The following SATL1 variants were observed in gnomAD, a reference collection of about 807,000 sequenced individuals.
The protein encoded by SATL1 is spermidine/spermine N(1)-acetyltransferase-like protein 1.
In SATL1, 47 loss-of-function variants were observed where a neutral mutation model predicts 51.8. The observed-to-expected ratio is 0.91, with a 90% CI of 0.72 to 1.16. SATL1 has a LOEUF of 1.16. Among genes scored for constraint, SATL1 ranks in the 50% most tolerant of loss-of-function variants. The pLI is 0.00. For synonymous variants in SATL1, 176 were observed against 182.4 expected (o/e 0.97, Z 0.28); for missense variants, 520 against 526.4 (o/e 0.99, Z 0.12).
Position 85,143,746 on chromosome X carries a change from C to T in SATL1, c.-312-34466G>A, listed in dbSNP as rs557244832. 6.3e-5 allele frequency among the ~76,000 whole-genome samples: 7 copies of T among 110,907 alleles called. 1 individual carries two copies. The East Asian group carries it at 1.7e-3, about 27-fold the overall frequency. ...TAAAGATAACATGTTTGTCTCTGATCTCTGAGATAAATATGAAAAATTCTA... is the reference window on the plus strand; with the variant it reads ...TAAAGATAACATGTTTGTCTCTGATTTCTGAGATAAATATGAAAAATTCTA... On this transcript the variant is annotated intron_variant, in intron 2 of 7. Transcript: ENST00000644105.
At chrX:85,229,001 G>A (rs1349245209) in intron 1 of SATL1, among the ~76,000 whole-genome samples, 1 of 111,590 alleles carries the variant, frequency 9.0e-6, no homozygotes, top group Non-Finnish European at 1.9e-5. Flanking sequence ...ATTTCAGATG[G>A]CAGCAACTCC....
At chrX:85,194,787 A>T (rs764416814) in intron 2 of SATL1, among the ~76,000 whole-genome samples, 14 of 103,838 alleles carry the variant, frequency 1.3e-4, no homozygotes, top group Non-Finnish European at 2.7e-4. Context: ...AAAACCAAGC[A>T]CTTCATATTC....
chrX:85,130,078 G>A (rs187133157), intron 2 of SATL1, among the ~76,000 whole-genome samples: 1 of 111,892 alleles, frequency 8.9e-6, no homozygotes, highest in Non-Finnish European at 1.9e-5. Flanking sequence ...TCACATCGAT[G>A]TTCATCAGGG....
At chrX:85,184,820 T>C (rs763027773) in intron 2 of SATL1, among the ~76,000 whole-genome samples, 1 of 112,233 alleles carries the variant, frequency 8.9e-6, no homozygotes, top group African/African-American at 3.2e-5. Flanking sequence ...TTCCCATAAT[T>C]GGTCACTGGT....
At chrX:85,150,078 AAAG>A (rs1241585166) in intron 2 of SATL1, among the ~76,000 whole-genome samples, 1 of 111,699 alleles carries the variant, frequency 9.0e-6, no homozygotes, top group Non-Finnish European at 1.9e-5. Flanking sequence ...CAAGACTAAT[AAAG>A]AAGAAAAGAG....
intron 2 of SATL1, among the ~76,000 whole-genome samples, chrX:85,164,693 T>A (rs1467897367): frequency 9.1e-6 from 1 of 109,548 alleles, no homozygotes; most frequent in Non-Finnish European, 1.9e-5. Flanking sequence ...TGACTTTAGC[T>A]AACCTAATGA....
chrX:85,107,165 T>C (rs1277721572), intron 3 of SATL1, among the ~76,000 whole-genome samples, 163 bp downstream of exon 3: 1 of 111,933 alleles, frequency 8.9e-6, no homozygotes, highest in Non-Finnish European at 1.9e-5. Context: ...TGTTATAATC[T>C]TGATTTTAGA....
At chrX:85,131,792 G>A (rs1043508848) in intron 2 of SATL1, among the ~76,000 whole-genome samples, 1 of 111,700 alleles carries the variant, frequency 9.0e-6, no homozygotes, top group Non-Finnish European at 1.9e-5. Flanking sequence ...GGTACCAGTT[G>A]TTCCTTTCCA....
intron 2 of SATL1, among the ~76,000 whole-genome samples, chrX:85,175,112 C>G (rs1051234875): frequency 2.7e-5 from 3 of 111,035 alleles, no homozygotes; most frequent in Non-Finnish European, 5.7e-5. Context: ...TGGTTCAGAC[C>G]AGTGCATCAG....
chrX:85,094,271 C>A, intron 5 of SATL1, 42 bp from the exon 6 acceptor site: 1 of 756,983 alleles, frequency 1.3e-6, no homozygotes. Flanking sequence ...TTGGTTGAAT[C>A]TTAGCCAGTT....
intron 2 of SATL1, among the ~76,000 whole-genome samples, chrX:85,134,794 T>C (rs1345353539): frequency 9.0e-6 from 1 of 111,442 alleles, no homozygotes; most frequent in Non-Finnish European, 1.9e-5. Flanking sequence ...TTTTCAATGC[T>C]TAGAGTATGA....
At chrX:85,146,846 T>A (rs768371293) in intron 2 of SATL1, among the ~76,000 whole-genome samples, 1 of 112,699 alleles carries the variant, frequency 8.9e-6, no homozygotes, top group East Asian at 2.8e-4. Context: ...GCAACCAAGA[T>A]GGCCGAATAG....
At chrX:85,135,610 C>A (rs949892347) in intron 2 of SATL1, among the ~76,000 whole-genome samples, 1 of 107,304 alleles carries the variant, frequency 9.3e-6, no homozygotes, top group African/African-American at 3.5e-5. Flanking sequence ...CTCACTCTGT[C>A]ACCCAGGCTG....
chrX:85,130,935 G>T (rs948769437), intron 2 of SATL1, among the ~76,000 whole-genome samples: 2 of 111,939 alleles, frequency 1.8e-5, no homozygotes, highest in African/African-American at 6.5e-5. Context: ...AGGTTGTTCA[G>T]TTTCCATGTA....
At chrX:85,133,581 G>C (rs889347685) in intron 2 of SATL1, among the ~76,000 whole-genome samples, 1 of 112,301 alleles carries the variant, frequency 8.9e-6, no homozygotes, top group African/African-American at 3.2e-5. Flanking sequence ...CTAGGAAAGG[G>C]AAATCCCCTG....
rs760925262 is a variant in SATL1 at position 85,195,038 on chromosome X, A to G, written c.-313+29167T>C. ...AAAGTGTATATATATATATATATACATAAAAAGACAACAGTTTTGACCCTG... is the reference window on the plus strand; with the variant it reads ...AAAGTGTATATATATATATATATACGTAAAAAGACAACAGTTTTGACCCTG... On this transcript the variant is annotated intron_variant, in intron 2 of 7. Transcript: ENST00000644105. 1.4e-4 allele frequency among the ~76,000 whole-genome samples: 16 copies of G among 110,549 alleles called. No homozygotes were observed. The East Asian group carries it at 3.7e-3, about 26-fold the overall frequency.
At chrX:85,095,811 GC>G (rs1372865710) in intron 4 of SATL1, among the ~76,000 whole-genome samples, 20 of 77,551 alleles carry the variant, frequency 2.6e-4, no homozygotes, top group African/African-American at 1.0e-3. Flanking sequence ...GGGCGACAGA[GC>G]GAGACTCCGT....
At chrX:85,149,817 A>G (rs1289066937) in intron 2 of SATL1, among the ~76,000 whole-genome samples, 6 of 111,255 alleles carry the variant, frequency 5.4e-5, no homozygotes, top group Non-Finnish European at 9.5e-5. Flanking sequence ...TCAAAGCAGT[A>G]TGTAGAGGGA....
intron 2 of SATL1, among the ~76,000 whole-genome samples, chrX:85,121,302 GTATATA>G (rs1008573108): frequency 6.8e-5 from 7 of 103,320 alleles, no homozygotes; most frequent in African/African-American, 2.4e-4. Flanking sequence ...AGAATAATAT[GTATATA>G]TAAATATATG....
Sources: allele counts gnomAD v4.1 joint callset (sites outside exome capture counted in the v4.1 genomes callset), GRCh38; gene constraint gnomAD v4.1.1; transcripts MANE v1.5; gene names NCBI Gene and HGNC (gene_info 2026-07-23, HGNC 2026-07-21).